The following FAM193B variants were observed in gnomAD, a reference collection of about 807,000 sequenced individuals.
FAM193B encodes family with sequence similarity 193 member B, also known as protein FAM193B.
Under a neutral mutation model 70.7 loss-of-function variants are expected in FAM193B, and 27 were observed. That is an observed-to-expected ratio of 0.38 (90% confidence interval 0.28 to 0.53). FAM193B has a LOEUF of 0.53. Ranked by LOEUF, FAM193B falls within the 20% of genes least tolerant of loss-of-function variation. The pLI, the probability that FAM193B is intolerant of heterozygous loss-of-function variation, is 0.81. For missense variants in FAM193B, 1,022 were observed against 1,072.5 expected, an observed-to-expected ratio of 0.95 and a Z score of 0.66; for synonymous variants, 448 against 436.0, an observed-to-expected ratio of 1.03 and a Z score of -0.34.
At position 177,524,268 on chromosome 5, in the gene FAM193B, G is replaced by A. The variant is rs778167437; in HGVS notation, c.2213C>T (p.Pro738Leu). 2 of 1,570,704 alleles carry A rather than the reference G, an allele frequency of 1.3e-6. No individual in the cohort carries two copies. Among genetic ancestry groups the A allele is most frequent in the Non-Finnish European group, 1.7e-6 (2 of 1,159,394 alleles). The stretch of plus-strand genomic sequence containing the variant: ...CTGGGGCAAGCTCTGTGGCCTTGCT[G>A]GGCCTGAGGGCTGCACAGACTCCTG... ...QEQESVQPSG[P>L]ARPQSLPQGK... Residue 738 changes from proline (P) to leucine (L), a missense_variant, in exon 6 of 9, where the codon CCA becomes CTA. Pro to Leu is a moderately conservative substitution (Grantham distance 98). Coordinates refer to ENST00000514747, the MANE Select transcript of FAM193B (RefSeq NM_001190946.3).
At chr5:177,523,363 T>G (rs989230742) in intron 7 of FAM193B, 14 of 241,004 alleles carry the variant, frequency 5.8e-5, no homozygotes, top group Non-Finnish European at 1.1e-4. Context: ...TTGTGTTTTG[T>G]TTTTTTTCCT....
At chr5:177,534,020 TG>T (rs889197628) in intron 4 of FAM193B, among the ~76,000 whole-genome samples, 14 of 152,326 alleles carry the variant, frequency 9.2e-5, no homozygotes, top group Non-Finnish European at 1.5e-4. Context: ...AGCCTTAGGC[TG>T]GGCCATGAGC....
At chr5:177,526,224 G>A (rs1296739037) in intron 5 of FAM193B, among the ~76,000 whole-genome samples, 1 of 152,168 alleles carries the variant, frequency 6.6e-6, no homozygotes, top group Non-Finnish European at 1.5e-5. Flanking sequence ...ATTGTTCTGT[G>A]GGACCTTGGA....
chr5:177,532,201 C>T lies in FAM193B; in HGVS notation c.1275+242G>A. The T allele has an allele frequency of 1.3e-6, 2 of 1,495,564 alleles. No individual in the cohort carries two copies. The highest frequency in any genetic ancestry group is 1.8e-6 in the Non-Finnish European group (2 of 1,125,596). 92.6% of individuals were successfully genotyped at this position (1,495,564 alleles called of 1,614,324 possible). A position where few individuals can be genotyped will look rare whatever the true frequency, so the allele number is the denominator to read the frequency against. The stretch of plus-strand genomic sequence containing the variant: ...TCTCTGCCATTTCCTTTCCTTTTGC[C>T]TAAGGAAAAAAAGTCAATCTTAAGA... On this transcript the variant is annotated intron_variant, in intron 5 of 8. Coordinates refer to ENST00000514747, the MANE Select transcript of FAM193B (RefSeq NM_001190946.3). The surrounding 1 kb of genome is among the most constrained non-coding windows in gnomAD (Gnocchi z 4.9).
intron 5 of FAM193B, chr5:177,531,265 G>T (rs1393475997): frequency 2.4e-6 from 3 of 1,269,700 alleles, no homozygotes; most frequent in Admixed American, 5.2e-5. Flanking sequence ...GCAGAGCTGG[G>T]CTCTCCCTAC....
At position 177,536,408 on chromosome 5, in the gene FAM193B, A is replaced by G. The variant is rs1260196536; in HGVS notation, c.1026T>C (p.Ser342=). 1.9e-6 allele frequency: 3 copies of G among 1,608,248 alleles called. No homozygotes were observed. The highest frequency in any genetic ancestry group is 2.5e-6 in the Non-Finnish European group (3 of 1,178,324). Residue 342 remains serine, a synonymous_variant, in exon 4 of 9, where the codon AGT becomes AGC. Coordinates refer to ENST00000514747, the MANE Select transcript of FAM193B (RefSeq NM_001190946.3). ...AGCTCGGGGGTGGGAGGAGAGGCCC[A>G]CTGCAGTGCCCACCACAGTGCCCGC... ...PCSGHCGGHC[S]GPLLPPPSSQ... is the part of the protein sequence containing the mutation.
chr5:177,542,984 C>T (rs1765028329), intron 1 of FAM193B, among the ~76,000 whole-genome samples: 1 of 152,118 alleles, frequency 6.6e-6, no homozygotes, highest in Non-Finnish European at 1.5e-5. Context: ...GCAGGCAGTC[C>T]AATGAGACAC....
At chr5:177,547,249 A>G (rs1193134306) in intron 1 of FAM193B, 1 of 151,024 alleles carries the variant, frequency 6.6e-6, no homozygotes, top group Non-Finnish European at 1.5e-5. Context: ...TGACAGGGAA[A>G]CTTACTAAGT....
Position 177,524,182 on chromosome 5 carries a change from C to A in FAM193B, c.2296+3G>T. Reference sequence around the variant, plus strand: ...TCAGCCGCTCAGTTCCTGGTGCACTCACCCAAGGAGGAGGCTGGCTTCTCC... The same window carrying A: ...TCAGCCGCTCAGTTCCTGGTGCACTAACCCAAGGAGGAGGCTGGCTTCTCC... On this transcript the variant is annotated splice_donor_region_variant and intron_variant, in intron 6 of 8. Transcript: ENST00000514747. The A allele has an allele frequency of 6.4e-7, 1 of 1,567,866 alleles. No homozygotes were observed. Among genetic ancestry groups the A allele is most frequent in the East Asian group, 2.3e-5 (1 of 43,980 alleles).
At chr5:177,539,285 C>G in intron 1 of FAM193B, 138 bp from the exon 2 acceptor site, 1 of 1,044,468 alleles carries the variant, frequency 9.6e-7, no homozygotes, top group East Asian at 2.7e-5. Context: ...AAAATTTAGT[C>G]CTTGTAACAG....
At position 177,532,623 on chromosome 5, in the gene FAM193B, C is replaced by G; in HGVS notation, c.1095G>C (p.Gly365=). ...PSTHRDPGCK[G]HKFAHSGLAC... is the part of the protein sequence containing the mutation. The stretch of plus-strand genomic sequence containing the variant: ...CCAGGCCACTGTGTGCAAACTTGTG[C>G]CCCTTGCACCCGGGATCCCTGATGA... Residue 365 remains glycine, a synonymous_variant, in exon 5 of 9, where the codon GGG becomes GGC. Coordinates refer to ENST00000514747, the MANE Select transcript of FAM193B (RefSeq NM_001190946.3). The surrounding 1 kb of genome is among the most constrained non-coding windows in gnomAD (Gnocchi z 4.9). 1 of 1,552,540 alleles carries G rather than the reference C, an allele frequency of 6.4e-7. No individual in the cohort carries two copies. Among genetic ancestry groups the G allele is most frequent in the Non-Finnish European group, 8.6e-7 (1 of 1,157,288 alleles).
chr5:177,537,518 G>A (rs1171719427), intron 3 of FAM193B, among the ~76,000 whole-genome samples: 2 of 152,194 alleles, frequency 1.3e-5, no homozygotes, highest in African/African-American at 4.8e-5. Context: ...AGGAAGACAA[G>A]GTTGCCCAGG....
intron 5 of FAM193B, among the ~76,000 whole-genome samples, chr5:177,528,831 G>A (rs988365164): frequency 1.3e-5 from 2 of 152,178 alleles, no homozygotes; most frequent in African/African-American, 2.4e-5. Flanking sequence ...CTCGGCAATC[G>A]GGAGCCCACG....
chr5:177,545,841 T>C (rs1050530736), intron 1 of FAM193B, among the ~76,000 whole-genome samples: 3 of 152,104 alleles, frequency 2.0e-5, no homozygotes, highest in Non-Finnish European at 4.4e-5. Flanking sequence ...TTCTTTTTCA[T>C]CTCCAGAGTT....
chr5:177,528,042 G>T (rs1304501047), intron 5 of FAM193B, among the ~76,000 whole-genome samples: 2 of 152,104 alleles, frequency 1.3e-5, no homozygotes, highest in East Asian at 3.9e-4. Flanking sequence ...CATGAAGGAG[G>T]GTCAAGTGGA....
chr5:177,527,750 T>G (rs1762829536), intron 5 of FAM193B, among the ~76,000 whole-genome samples: 1 of 152,202 alleles, frequency 6.6e-6, no homozygotes, highest in Non-Finnish European at 1.5e-5. Flanking sequence ...AGGCATGCTA[T>G]TCCAGGTCAC....
In FAM193B at chr5:177,537,918, C is replaced by A; in HGVS notation, c.643G>T (p.Gly215Trp). ...CCAAGAGAGCTGCCTGGCATGGCCC[C>A]ACTGGAATGTGGGGAATTCCAGAGG... The part of the protein sequence containing the change: ...SGLWNSPHSS[G>W]AMPGSSLGSP... The change falls in exon 3 of 9, where the codon GGG (glycine) becomes TGG (tryptophan). Residue 215 changes from glycine (G) to tryptophan (W), a missense_variant. Transcript: ENST00000514747. 6.2e-7 allele frequency: 1 copy of A among 1,601,488 alleles called. No individual in the cohort carries two copies. The highest frequency in any genetic ancestry group is 2.2e-5 in the East Asian group (1 of 44,458).
rs986881643 is a variant in FAM193B, at chr5:177,537,921, T to C, written c.640A>G (p.Ser214Gly). ...LSGLWNSPHS[S>G]GAMPGSSLGS... ...AGAGAGCTGCCTGGCATGGCCCCAC[T>C]GGAATGTGGGGAATTCCAGAGGCCC... is the stretch of plus-strand genomic sequence containing the variant. The change falls in exon 3 of 9, where the codon AGT becomes GGT. Residue 214 changes from serine to glycine, a missense_variant. Ser to Gly is a moderately conservative substitution (Grantham distance 56). Transcript: ENST00000514747. 6.2e-6 allele frequency: 10 copies of C among 1,600,240 alleles called. No homozygotes were observed. The highest frequency in any genetic ancestry group is 8.5e-6 in the Non-Finnish European group (10 of 1,173,560).
chr5:177,535,615 C>T (rs182892149), intron 4 of FAM193B, among the ~76,000 whole-genome samples: 1 of 152,228 alleles, frequency 6.6e-6, no homozygotes, highest in Non-Finnish European at 1.5e-5. Context: ...ACTGGAAATG[C>T]CTAGATATCC....
Sources: allele counts gnomAD v4.1 joint callset (sites outside exome capture counted in the v4.1 genomes callset), GRCh38; gene constraint gnomAD v4.1.1; non-coding constraint Gnocchi (gnomAD v3.1); transcripts MANE v1.5; gene names NCBI Gene and HGNC (gene_info 2026-07-23, HGNC 2026-07-21).